The following DNAJB6 variants were observed in gnomAD, a reference collection of about 807,000 sequenced individuals.
The protein encoded by DNAJB6 is DnaJ heat shock protein family (Hsp40) member B6.
Under a neutral mutation model 42.7 loss-of-function variants are expected in DNAJB6, and 16 were observed. The observed-to-expected ratio is 0.37, with a 90% CI of 0.25 to 0.57. The LOEUF is 0.57. DNAJB6 is among the 20% of genes least tolerant of loss of function. The pLI is 0.74. For synonymous variants in DNAJB6, 170 were observed against 163.5 expected, an observed-to-expected ratio of 1.04 and a Z score of -0.30; for missense variants, 347 against 416.8, an observed-to-expected ratio of 0.83 and a Z score of 1.46.
At chr7:157,386,436 C>T (rs1801062569) in intron 8 of DNAJB6, 2 of 371,692 alleles carry the variant, frequency 5.4e-6, no homozygotes, top group Non-Finnish European at 7.4e-6. Flanking sequence ...TAGACATTTT[C>T]TTCAGTATAT....
chr7:157,349,392 C>T (rs1223345122), intron 1 of DNAJB6, among the ~76,000 whole-genome samples: 1 of 152,208 alleles, frequency 6.6e-6, no homozygotes, highest in African/African-American at 2.4e-5. Context: ...GTGTGACCCT[C>T]CCTTCCCTTG....
At chr7:157,379,767 T>A (rs182301849) in intron 5 of DNAJB6, 1 of 151,718 alleles carries the variant, frequency 6.6e-6, no homozygotes, top group Non-Finnish European at 1.5e-5. Flanking sequence ...ACTACAGATA[T>A]ATGCTAATGT....
In DNAJB6 at chr7:157,363,273, G is replaced by A. The variant is rs1799694126; in HGVS notation, c.175+3G>A. 6.3e-7 allele frequency: 1 copy of A among 1,595,164 alleles called. No individual in the cohort carries two copies. ...GGCATATGAAGTGCTGTCGGATGGT[G>A]AGTGACAGCGAGCTGCTGAAGGACC... On this transcript the variant is annotated splice_donor_region_variant and intron_variant, in intron 3 of 9. Transcript: ENST00000262177.
intron 1 of DNAJB6, among the ~76,000 whole-genome samples, chr7:157,347,558 G>C (rs1050538240): frequency 3.3e-5 from 5 of 152,098 alleles, no homozygotes; most frequent in African/African-American, 7.2e-5. Flanking sequence ...TAATTCCTTT[G>C]AGCCCCCGTT....
intron 1 of DNAJB6, among the ~76,000 whole-genome samples, chr7:157,355,216 CG>C (rs1799209626): frequency 6.6e-6 from 1 of 152,152 alleles, no homozygotes; most frequent in Non-Finnish European, 1.5e-5. Context: ...TGCAGTGGCG[CG>C]GGCGCGATCT....
intron 5 of DNAJB6, chr7:157,368,786 C>G (rs1240900986): frequency 6.1e-6 from 1 of 164,392 alleles, no homozygotes; most frequent in Non-Finnish European, 1.3e-5. Flanking sequence ...GTATGTTTAC[C>G]TCCTTCATTG....
chr7:157,387,565 G>A (rs1475986639), intron 8 of DNAJB6, among the ~76,000 whole-genome samples: 1 of 152,116 alleles, frequency 6.6e-6, no homozygotes, highest in African/African-American at 2.4e-5. Context: ...AGACATCCAG[G>A]GATGTCCAGA....
At chr7:157,390,179 G>C (rs998684307) in intron 8 of DNAJB6, among the ~76,000 whole-genome samples, 1 of 152,236 alleles carries the variant, frequency 6.6e-6, no homozygotes. Context: ...GACCACAGCT[G>C]CCTGGAGTGT....
chr7:157,407,133 G>A (rs1795801435), intron 8 of DNAJB6, among the ~76,000 whole-genome samples: 1 of 152,256 alleles, frequency 6.6e-6, no homozygotes, highest in Non-Finnish European at 1.5e-5. Flanking sequence ...AGCTGGAAGT[G>A]CAGAATTTCA....
At chr7:157,339,207 G>C (rs114423054) in intron 1 of DNAJB6, among the ~76,000 whole-genome samples, 7 of 148,672 alleles carry the variant, frequency 4.7e-5, no homozygotes, top group African/African-American at 1.7e-4. Context: ...AGTGGTACCC[G>C]TCACCCTCAT....
chr7:157,379,509 ACT>A (rs1304738175), intron 5 of DNAJB6: 1 of 152,122 alleles, frequency 6.6e-6, no homozygotes. Flanking sequence ...TCACTGTCAC[ACT>A]CTTACCCAGG....
At chr7:157,394,759 A>C (rs2117137318) in intron 8 of DNAJB6, among the ~76,000 whole-genome samples, 1 of 152,242 alleles carries the variant, frequency 6.6e-6, no homozygotes, top group Admixed American at 6.5e-5. Context: ...GCAACACATC[A>C]CAAGAGCAGA....
At chr7:157,365,592 C>G (rs900849171) in intron 3 of DNAJB6, among the ~76,000 whole-genome samples, 1 of 152,068 alleles carries the variant, frequency 6.6e-6, no homozygotes. Flanking sequence ...TGTACTTGGT[C>G]GTGTGATTTT....
At chr7:157,356,171 TAGTG>T (rs1028552018) in intron 1 of DNAJB6, among the ~76,000 whole-genome samples, 10 of 152,242 alleles carry the variant, frequency 6.6e-5, no homozygotes, top group African/African-American at 1.2e-4. Flanking sequence ...CTTGTTCTGT[TAGTG>T]AGAGTGGATT....
intron 2 of DNAJB6, among the ~76,000 whole-genome samples, chr7:157,361,187 C>T (rs1355789957): frequency 2.1e-5 from 3 of 145,188 alleles, no homozygotes; most frequent in African/African-American, 5.1e-5. Context: ...GAGACGGTGT[C>T]TCGCTATGTC....
chr7:157,385,295 T>C (rs1359164420), intron 7 of DNAJB6, among the ~76,000 whole-genome samples: 3 of 152,248 alleles, frequency 2.0e-5, no homozygotes, highest in African/African-American at 7.2e-5. Context: ...CTTTACTGTT[T>C]TATAGCCTCT....
chr7:157,341,885 A>G (rs994585508), intron 1 of DNAJB6, among the ~76,000 whole-genome samples: 9 of 152,164 alleles, frequency 5.9e-5, no homozygotes, highest in Non-Finnish European at 1.2e-4. Flanking sequence ...TGCTTTGTTT[A>G]TTTTAGAGTC....
chr7:157,345,124 A>G (rs1317353185), intron 1 of DNAJB6, among the ~76,000 whole-genome samples: 3 of 151,366 alleles, frequency 2.0e-5, no homozygotes, highest in Admixed American at 2.0e-4. Context: ...CTCCCAAGTA[A>G]CTGGGATTAC....
At chr7:157,344,555 C>T (rs902165927) in intron 1 of DNAJB6, among the ~76,000 whole-genome samples, 3 of 152,006 alleles carry the variant, frequency 2.0e-5, no homozygotes, top group Non-Finnish European at 4.4e-5. Flanking sequence ...GAATATCTTC[C>T]TGCTCTACGC....
Sources: allele counts gnomAD v4.1 joint callset (sites outside exome capture counted in the v4.1 genomes callset), GRCh38; gene constraint gnomAD v4.1.1; transcripts MANE v1.5; gene names NCBI Gene and HGNC (gene_info 2026-07-23, HGNC 2026-07-21).